SRP19: variants seen among roughly 807,000 people sequenced by gnomAD.
SRP19 encodes signal recognition particle 19, also known as signal recognition particle 19 kDa protein.
A neutral mutation model predicts 22.4 loss-of-function variants in SRP19; 11 were observed. The ratio of observed to expected loss-of-function variants is 0.49; its 90% CI spans 0.31 to 0.81. The LOEUF is 0.81. Ranked by LOEUF, SRP19 falls within the 40% of genes least tolerant of loss-of-function variation. SRP19 has a pLI of 0.05. For synonymous variants in SRP19, 61 were observed against 57.6 expected, an observed-to-expected ratio of 1.06 and a Z score of -0.27; for missense variants, 168 against 175.9, an observed-to-expected ratio of 0.96 and a Z score of 0.25.
In SRP19 at chr5:112,877,223, A is replaced by G. The variant is rs1767924369; in HGVS notation, c.301+12491A>G. ...AGAGTGATACTGTCACTTAGTATTGATATCTTTAATATTTTTTACATCATG... is the reference window on the plus strand; with the variant it reads ...AGAGTGATACTGTCACTTAGTATTGGTATCTTTAATATTTTTTACATCATG... On this transcript the variant is annotated intron_variant, in intron 4 of 4. Transcript: ENST00000391338. 3 of 152,128 alleles carry G rather than the reference A, an allele frequency of 2.0e-5. No individual in the cohort carries two copies. The South Asian group carries it at 6.2e-4, about 31-fold the overall frequency. 9.4% of individuals were successfully genotyped at this position (152,128 alleles called of 1,614,324 possible). A position where few individuals can be genotyped will look rare whatever the true frequency, so the allele number is the denominator to read the frequency against.
At chr5:112,891,592 T>C in intron 4 of SRP19, 6 of 1,557,538 alleles carry the variant, frequency 3.9e-6, no homozygotes, top group Non-Finnish European at 5.2e-6. Context: ...ATCTTCCATA[T>C]ATTCCCATAG....
chr5:112,888,710 C>T (rs1418849127), intron 4 of SRP19, among the ~76,000 whole-genome samples: 1 of 150,994 alleles, frequency 6.6e-6, no homozygotes, highest in African/African-American at 2.5e-5. Context: ...ATTTGTTACA[C>T]ATGCACAAGA....
chr5:112,884,047 AC>A (rs977135637), intron 4 of SRP19, among the ~76,000 whole-genome samples: 2 of 152,258 alleles, frequency 1.3e-5, no homozygotes, highest in African/African-American at 4.8e-5. Context: ...CACTGCAAGA[AC>A]CTTTTAACTG....
At chr5:112,865,807 T>C (rs771476599) in intron 4 of SRP19, among the ~76,000 whole-genome samples, 1 of 152,216 alleles carries the variant, frequency 6.6e-6, no homozygotes, top group Non-Finnish European at 1.5e-5. Flanking sequence ...TTGGCCAGAA[T>C]GGTCTCGATC....
At chr5:112,889,863 C>T (rs980514170) in intron 4 of SRP19, among the ~76,000 whole-genome samples, 5 of 147,230 alleles carry the variant, frequency 3.4e-5, no homozygotes, top group Admixed American at 3.4e-4. Flanking sequence ...TTCTTGCTCT[C>T]TTACCCAGGC....
At chr5:112,894,583 T>C (rs1251162186), downstream of SRP19, 1 of 152,228 alleles carries the variant, frequency 6.6e-6, no homozygotes, top group East Asian at 1.9e-4. Context: ...TTTTGAAGAA[T>C]ATGCAGAGCA....
chr5:112,895,237 C>CAAAAAAAAAAAAAAAAAAAAAAAAA (rs10684553), downstream of SRP19: 1 of 62,216 alleles, frequency 1.6e-5, no homozygotes, highest in African/African-American at 6.9e-5. Flanking sequence ...GACTCTGTCT[C>CAAAAAAAAAAAAAAAAAAAAAAAAA]AAAAAAAAAA....
downstream of SRP19, chr5:112,897,392 C>A (rs1227823490): frequency 2.0e-5 from 3 of 151,124 alleles, no homozygotes; most frequent in Non-Finnish European, 2.9e-5. Flanking sequence ...CACACACACA[C>A]ACAAATGTAA....
At chr5:112,864,886 C>G (rs968967064) in intron 4 of SRP19, 154 bp downstream of exon 4, 9 of 493,876 alleles carry the variant, frequency 1.8e-5, no homozygotes, top group South Asian at 4.8e-5. Flanking sequence ...AGCAGTAGTT[C>G]TAATTTCTTT....
chr5:112,880,973 A>G (rs1430794938), intron 4 of SRP19, among the ~76,000 whole-genome samples: 1 of 152,084 alleles, frequency 6.6e-6, no homozygotes, highest in Non-Finnish European at 1.5e-5. Flanking sequence ...TACTAAAAAT[A>G]CAAGTATCAG....
exon 5 of SRP19, chr5:112,891,680 C>T (rs1389867590): frequency 6.2e-7 from 1 of 1,613,584 alleles, no homozygotes; most frequent in Non-Finnish European, 8.5e-7. Context: ...AAGAAGATGA[C>T]ATTTCCAGAG....
downstream of SRP19, among the ~76,000 whole-genome samples, chr5:112,872,319 A>ATTTT (rs369921015): frequency 1.2e-5 from 1 of 84,862 alleles, no homozygotes; most frequent in Non-Finnish European, 2.5e-5. Context: ...TCCCCAAATG[A>ATTTT]TTCTTTTTTT....
intron 4 of SRP19, chr5:112,877,279 T>C (rs1767926788): frequency 6.6e-6 from 1 of 152,228 alleles, no homozygotes; most frequent in Non-Finnish European, 1.5e-5. Flanking sequence ...CTGATTGTTA[T>C]CTCAAGGTGA....
chr5:112,878,614 AT>A (rs1767968404), intron 4 of SRP19: 9 of 945,054 alleles, frequency 9.5e-6, no homozygotes, highest in Admixed American at 6.1e-5. Flanking sequence ...TGCTCCCTAT[AT>A]ATATAGACAG....
intron 4 of SRP19, among the ~76,000 whole-genome samples, chr5:112,880,266 TA>T (rs984189386): frequency 2.6e-5 from 4 of 151,920 alleles, no homozygotes; most frequent in East Asian, 1.9e-4. Flanking sequence ...AAAAGAAAAA[TA>T]TATTTTCTTA....
chr5:112,883,244 TTC>T (rs1768132173), intron 4 of SRP19, among the ~76,000 whole-genome samples: 1 of 152,226 alleles, frequency 6.6e-6, no homozygotes, highest in African/African-American at 2.4e-5. Context: ...CTCATCCCTT[TTC>T]TCTCATTCTC....
intron 4 of SRP19, among the ~76,000 whole-genome samples, chr5:112,866,341 C>T (rs1355298289): frequency 2.0e-5 from 3 of 152,120 alleles, no homozygotes; most frequent in African/African-American, 4.8e-5. Context: ...GTCTCGAACT[C>T]TCGACCTCAG....
exon 5 of SRP19, chr5:112,892,779 C>G: frequency 6.2e-7 from 1 of 1,613,998 alleles, no homozygotes; most frequent in Non-Finnish European, 8.5e-7. Flanking sequence ...ACTACTACAG[C>G]AGGCAGCGGG....
intron 1 of SRP19, among the ~76,000 whole-genome samples, 178 bp downstream of exon 1, chr5:112,861,595 A>T (rs1214818347): frequency 6.6e-6 from 1 of 152,222 alleles, no homozygotes; most frequent in East Asian, 1.9e-4. Flanking sequence ...AGCAGCCACC[A>T]GGCTCTTCTC....
Sources: gnomAD v4.1 joint callset for allele counts (sites outside exome capture counted in the v4.1 genomes callset) on GRCh38, gnomAD v4.1.1 for gene constraint, MANE v1.5 for transcripts, NCBI Gene and HGNC (gene_info 2026-07-23, HGNC 2026-07-21) for gene names.